The following LRRC4C variants were observed in gnomAD, a reference collection of about 807,000 sequenced individuals.
LRRC4C encodes leucine-rich repeat-containing protein 4C.
Under a neutral mutation model 33.6 loss-of-function variants are expected in LRRC4C, and 5 were observed. The ratio of observed to expected loss-of-function variants is 0.15; its 90% CI spans 0.08 to 0.31. The LOEUF (loss-of-function observed/expected upper bound fraction) is 0.31. Ranked by LOEUF, LRRC4C falls within the 10% of genes least tolerant of loss-of-function variation. The probability of loss-of-function intolerance (pLI) is 1.00; values close to 1 mark genes in which losing one functional copy is unlikely to be tolerated. For synonymous variants in LRRC4C, 329 were observed against 302.0 expected (o/e 1.09, Z -0.93); for missense variants, 560 against 796.7 (o/e 0.70, Z 3.58).
intron 2 of LRRC4C, among the ~76,000 whole-genome samples, chr11:40,907,457 G>A (rs1215015207): frequency 6.6e-6 from 1 of 152,146 alleles, no homozygotes; most frequent in Non-Finnish European, 1.5e-5. Context: ...CAGGCTATTG[G>A]AGTTCATAGG....
intron 4 of LRRC4C, among the ~76,000 whole-genome samples, chr11:40,258,942 A>T (rs1029447421): frequency 6.0e-4 from 92 of 152,352 alleles, no homozygotes; most frequent in African/African-American, 1.9e-3. Flanking sequence ...GAAGAAAATT[A>T]TGATAAATAG....
chr11:40,437,643 C>T (rs935906712), intron 3 of LRRC4C, among the ~76,000 whole-genome samples: 1 of 152,072 alleles, frequency 6.6e-6, no homozygotes, highest in African/African-American at 2.4e-5. Flanking sequence ...ATCCACACGC[C>T]TCGACCTCCC....
At chr11:40,227,728 A>C (rs1864909965) in intron 5 of LRRC4C, among the ~76,000 whole-genome samples, 1 of 152,192 alleles carries the variant, frequency 6.6e-6, no homozygotes, top group African/African-American at 2.4e-5. Flanking sequence ...GAAAGATAAC[A>C]AAAGTACAAG....
chr11:40,747,118 A>T (rs538267474), intron 2 of LRRC4C, among the ~76,000 whole-genome samples: 3 of 151,950 alleles, frequency 2.0e-5, no homozygotes, highest in African/African-American at 7.2e-5. Flanking sequence ...AGGCATGCTC[A>T]GCCCATTGTT....
intron 2 of LRRC4C, among the ~76,000 whole-genome samples, chr11:40,847,063 G>A (rs1490588620): frequency 6.6e-6 from 1 of 152,112 alleles, no homozygotes; most frequent in African/African-American, 2.4e-5. Flanking sequence ...TGAGACGATA[G>A]GGTTTTCTAA....
chr11:40,399,862 A>G (rs1426091605), intron 3 of LRRC4C, among the ~76,000 whole-genome samples: 1 of 152,074 alleles, frequency 6.6e-6, no homozygotes, highest in African/African-American at 2.4e-5. Context: ...TTTAGTCTAT[A>G]AGAGTAAAAG....
intron 3 of LRRC4C, among the ~76,000 whole-genome samples, chr11:40,462,111 A>G (rs960354070): frequency 4.6e-5 from 7 of 152,064 alleles, no homozygotes; most frequent in Non-Finnish European, 1.5e-5. Context: ...AATGGCCCCA[A>G]ATGAAGTCAT....
intron 2 of LRRC4C, among the ~76,000 whole-genome samples, chr11:40,854,620 T>TC (rs1253589249): frequency 6.6e-6 from 1 of 152,044 alleles, no homozygotes; most frequent in East Asian, 1.9e-4. Context: ...GCCTTTTTTT[T>TC]CTGGTATAGT....
Position 40,115,079 on chromosome 11 carries a change from A to T in LRRC4C, c.1214T>A (p.Val405Glu). Residue 405 changes from valine to glutamate, a missense_variant, in exon 7 of 7, where the codon GTG becomes GAG. Around this residue, in one of 3 missense-constraint regions of LRRC4C, gnomAD observed 455 missense variants for 643.8 expected, o/e 0.71. Coordinates refer to ENST00000528697, the MANE Select transcript of LRRC4C (RefSeq NM_001258419.2). The surrounding 1 kb of genome is among the most constrained non-coding windows in gnomAD (Gnocchi z 6.7). ...THGAYKVRIA[V>E]LSDGTLNFTN... ...GAAATTTAACGTACCATCACTGAGC[A>T]CAGCTATCCGCACTTTGTACGCCCC... The T allele has an allele frequency of 6.2e-7, 1 of 1,614,202 alleles. No homozygotes were observed. Among genetic ancestry groups the T allele is most frequent in the Non-Finnish European group, 8.5e-7 (1 of 1,180,032 alleles).
At chr11:40,546,319 G>T (rs777011393) in intron 3 of LRRC4C, among the ~76,000 whole-genome samples, 2 of 151,950 alleles carry the variant, frequency 1.3e-5, no homozygotes, top group Non-Finnish European at 2.9e-5. Flanking sequence ...GCAACACCAA[G>T]TTCAGTGAAT....
chr11:40,467,275 A>T (rs1008245932), intron 3 of LRRC4C, among the ~76,000 whole-genome samples: 1 of 152,142 alleles, frequency 6.6e-6, no homozygotes, highest in Non-Finnish European at 1.5e-5. Context: ...CCTTCTACTC[A>T]TTCTTTAGCA....
chr11:40,314,760 A>G (rs1015168895), intron 4 of LRRC4C, among the ~76,000 whole-genome samples: 1 of 152,132 alleles, frequency 6.6e-6, no homozygotes, highest in South Asian at 2.1e-4. Flanking sequence ...TTATCAATGG[A>G]ACTGGAGGAC....
At chr11:41,103,560 C>T (rs1590593971) in intron 1 of LRRC4C, among the ~76,000 whole-genome samples, 1 of 151,378 alleles carries the variant, frequency 6.6e-6, no homozygotes, top group East Asian at 1.9e-4. Context: ...ATGAGTACGA[C>T]AGACTTTCCT....
chr11:41,393,955 T>C (rs1313390654), intron 1 of LRRC4C, among the ~76,000 whole-genome samples: 2 of 151,982 alleles, frequency 1.3e-5, no homozygotes, highest in Non-Finnish European at 2.9e-5. Context: ...AGTGATAATT[T>C]TTTTTAAGTA....
At chr11:40,974,512 T>G (rs1044985130) in intron 1 of LRRC4C, among the ~76,000 whole-genome samples, 1 of 152,218 alleles carries the variant, frequency 6.6e-6, no homozygotes, top group Non-Finnish European at 1.5e-5. Flanking sequence ...AACCACAACA[T>G]AAATCCTACT....
intron 2 of LRRC4C, among the ~76,000 whole-genome samples, chr11:40,680,036 AT>A (rs1944604581): frequency 1.3e-5 from 2 of 152,148 alleles, no homozygotes; most frequent in South Asian, 4.1e-4. Flanking sequence ...GCTACCCAAG[AT>A]TATGGGAACC....
intron 4 of LRRC4C, among the ~76,000 whole-genome samples, chr11:40,315,297 G>T (rs993948497): frequency 6.6e-6 from 1 of 151,766 alleles, no homozygotes; most frequent in Non-Finnish European, 1.5e-5. Flanking sequence ...AGAGGAGGAA[G>T]AAGTCATTTT....
intron 3 of LRRC4C, among the ~76,000 whole-genome samples, chr11:40,636,991 G>A (rs1368213794): frequency 2.6e-5 from 4 of 152,166 alleles, no homozygotes; most frequent in Non-Finnish European, 5.9e-5. Context: ...GTGGTAGGAG[G>A]ATCATTCCCC....
At chr11:40,254,354 T>A (rs1026002727) in intron 4 of LRRC4C, among the ~76,000 whole-genome samples, 1 of 152,326 alleles carries the variant, frequency 6.6e-6, no homozygotes, top group African/African-American at 2.4e-5. Flanking sequence ...GAATAAAGCA[T>A]GGTGATGCCA....
Sources: allele counts gnomAD v4.1 joint callset (sites outside exome capture counted in the v4.1 genomes callset), GRCh38; gene constraint gnomAD v4.1.1; regional missense constraint gnomAD v4.1.1; non-coding constraint Gnocchi (gnomAD v3.1); transcripts MANE v1.5; gene names NCBI Gene and HGNC (gene_info 2026-07-23, HGNC 2026-07-21).